GTF2E2: variants seen among roughly 807,000 people sequenced by gnomAD.
The protein encoded by GTF2E2 is general transcription factor IIE subunit 2, also known as transcription initiation factor IIE subunit beta.
In GTF2E2, 21 loss-of-function variants were observed where a neutral mutation model predicts 40.5. The observed-to-expected ratio is 0.52, with a 90% CI of 0.37 to 0.75. The LOEUF (loss-of-function observed/expected upper bound fraction) is 0.75, where lower values mean the gene tolerates loss of function less well. Among genes scored for constraint, GTF2E2 ranks in the 30% least tolerant of loss-of-function variants. The pLI is 0.00. For missense variants in GTF2E2, 298 were observed against 338.4 expected, an observed-to-expected ratio of 0.88 and a Z score of 0.94; for synonymous variants, 117 against 121.6, an observed-to-expected ratio of 0.96 and a Z score of 0.25.
At chr8:30,641,306 G>A (rs1801816333) in intron 2 of GTF2E2, among the ~76,000 whole-genome samples, 1 of 152,150 alleles carries the variant, frequency 6.6e-6, no homozygotes. Context: ...AAGCATGTAA[G>A]TGCCTTTGGA....
intron 3 of GTF2E2, among the ~76,000 whole-genome samples, chr8:30,624,740 T>C (rs1377844884): frequency 1.3e-5 from 2 of 152,070 alleles, no homozygotes; most frequent in Non-Finnish European, 2.9e-5. Context: ...CCCTTGTAAG[T>C]TGGATTTCTA....
chr8:30,629,026 A>G (rs895722571), intron 3 of GTF2E2, among the ~76,000 whole-genome samples: 23 of 152,306 alleles, frequency 1.5e-4, no homozygotes, highest in Non-Finnish European at 2.9e-4. Context: ...TACACTAATT[A>G]ATTTTCAAAT....
intron 6 of GTF2E2, among the ~76,000 whole-genome samples, chr8:30,605,139 A>G (rs1231566709): frequency 6.6e-6 from 1 of 152,234 alleles, no homozygotes; most frequent in Non-Finnish European, 1.5e-5. Context: ...ACCCGCCTCA[A>G]GTTAAACATC....
chr8:30,619,987 C>T (rs1427787212), intron 3 of GTF2E2, among the ~76,000 whole-genome samples: 1 of 151,768 alleles, frequency 6.6e-6, no homozygotes, highest in African/African-American at 2.4e-5. Flanking sequence ...AGAGATGTGA[C>T]AACAGAAGAG....
chr8:30,632,670 T>C (rs1380036015), intron 3 of GTF2E2, among the ~76,000 whole-genome samples: 1 of 152,140 alleles, frequency 6.6e-6, no homozygotes, highest in Non-Finnish European at 1.5e-5. Flanking sequence ...TATAAGACAT[T>C]TGATAAGCCT....
At chr8:30,611,108 A>C (rs899534747) in intron 5 of GTF2E2, among the ~76,000 whole-genome samples, 1 of 152,202 alleles carries the variant, frequency 6.6e-6, no homozygotes, top group African/African-American at 2.4e-5. Flanking sequence ...CCAAGATTCC[A>C]AGCAAACGGG....
intron 2 of GTF2E2, among the ~76,000 whole-genome samples, chr8:30,637,712 G>A (rs1801654839): frequency 6.6e-6 from 1 of 152,080 alleles, no homozygotes; most frequent in Admixed American, 6.5e-5. Flanking sequence ...TAGTAGAGAT[G>A]GGGTTTCACC....
chr8:30,589,417 G>C lies in GTF2E2; in HGVS notation c.644-9021C>G, dbSNP rs151312440. ...CCAAAATTTTTAAAATAATAAATTG[G>C]CCAGACATGGAGGCATATGCCTGTA... On this transcript the variant is annotated intron_variant, in intron 6 of 7. Coordinates refer to ENST00000355904, the MANE Select transcript of GTF2E2 (RefSeq NM_002095.6). 7.0e-3 allele frequency among the ~76,000 whole-genome samples: 1,068 copies of C among 152,214 alleles called. 10 individuals carry two copies. The highest frequency in any genetic ancestry group is 0.023 in the African/African-American group (941 of 41,528).
At chr8:30,595,637 C>CT (rs1174958683) in intron 6 of GTF2E2, among the ~76,000 whole-genome samples, 5 of 152,152 alleles carry the variant, frequency 3.3e-5, no homozygotes. Flanking sequence ...CAAAACCAGC[C>CT]TTGGCAACAT....
chr8:30,609,567 C>T (rs776826299), intron 5 of GTF2E2, among the ~76,000 whole-genome samples: 4 of 152,106 alleles, frequency 2.6e-5, no homozygotes, highest in Non-Finnish European at 5.9e-5. Flanking sequence ...GGCAATACTA[C>T]CCAAAGTTAC....
At chr8:30,579,593 A>T (rs1235008418) in intron 7 of GTF2E2, among the ~76,000 whole-genome samples, 2 of 152,192 alleles carry the variant, frequency 1.3e-5, no homozygotes, top group Non-Finnish European at 1.5e-5. Flanking sequence ...GAGTCCTAAA[A>T]ATTCACCAAA....
chr8:30,621,290 A>C (rs1335023841), intron 3 of GTF2E2, among the ~76,000 whole-genome samples: 1 of 152,092 alleles, frequency 6.6e-6, no homozygotes, highest in African/African-American at 2.4e-5. Context: ...GAATTATTGG[A>C]ATCAGAAAAA....
chr8:30,634,945 T>C, intron 3 of GTF2E2, 87 bp downstream of exon 3: 3 of 685,886 alleles, frequency 4.4e-6, no homozygotes, highest in Middle Eastern at 3.2e-4. Flanking sequence ...TTTTGATGTA[T>C]ACAGAAATTT....
intron 1 of GTF2E2, among the ~76,000 whole-genome samples, chr8:30,655,047 C>T (rs1362933961): frequency 1.3e-5 from 2 of 152,004 alleles, no homozygotes; most frequent in African/African-American, 2.4e-5. Flanking sequence ...CCTATCTCTA[C>T]GAAATTAGCC....
At chr8:30,607,641 C>A (rs1218786901) in intron 5 of GTF2E2, among the ~76,000 whole-genome samples, 1 of 152,060 alleles carries the variant, frequency 6.6e-6, no homozygotes, top group Non-Finnish European at 1.5e-5. Context: ...TTGATATTTC[C>A]AGACTTGTAT....
intron 6 of GTF2E2, among the ~76,000 whole-genome samples, chr8:30,605,652 T>C (rs2151123133): frequency 6.6e-6 from 1 of 151,948 alleles, no homozygotes; most frequent in Middle Eastern, 3.4e-3. Flanking sequence ...CTCAGAAATA[T>C]CTTAAATGGT....
At chr8:30,584,197 CT>C (rs55933853) in intron 6 of GTF2E2, among the ~76,000 whole-genome samples, 32,865 of 145,798 alleles carry the variant, frequency 0.23, 4,081 homozygotes, top group South Asian at 0.4. Flanking sequence ...ACTTGCTTCC[CT>C]TTTTTTTTTT....
chr8:30,623,904 G>C (rs1268362685), intron 3 of GTF2E2, among the ~76,000 whole-genome samples: 2 of 151,890 alleles, frequency 1.3e-5, no homozygotes, highest in Non-Finnish European at 2.9e-5. Flanking sequence ...GTAGATTCTG[G>C]ATATCAGCCC....
chr8:30,643,758 A>G (rs2128727378), intron 2 of GTF2E2: 1 of 152,108 alleles, frequency 6.6e-6, no homozygotes, highest in African/African-American at 2.4e-5. Flanking sequence ...GAGAGTAATA[A>G]TTCTAAGTCT....
Sources: allele counts gnomAD v4.1 joint callset (sites outside exome capture counted in the v4.1 genomes callset), GRCh38; gene constraint gnomAD v4.1.1; transcripts MANE v1.5; gene names NCBI Gene and HGNC (gene_info 2026-07-23, HGNC 2026-07-21).